MYO9A: variants seen among roughly 807,000 people sequenced by gnomAD.
MYO9A encodes unconventional myosin-IXa.
MYO9A carries 103 observed loss-of-function variants against 293.3 expected under a neutral mutation model. The ratio of observed to expected loss-of-function variants is 0.35; its 90% CI spans 0.30 to 0.41. The LOEUF is 0.41. Among genes scored for constraint, MYO9A ranks in the 10% least tolerant of loss-of-function variants. MYO9A has a pLI of 1.00. For missense variants in MYO9A, 2,685 were observed against 3,033.0 expected (o/e 0.89, Z 2.69); for synonymous variants, 1,001 against 1,035.7 (o/e 0.97, Z 0.64).
chr15:71,874,329 G>A (rs1567218848), intron 32 of MYO9A, among the ~76,000 whole-genome samples: 1 of 152,126 alleles, frequency 6.6e-6, no homozygotes, highest in Non-Finnish European at 1.5e-5. Context: ...GGTTTTGTAG[G>A]CCCTAAAGTT....
intron 1 of MYO9A, among the ~76,000 whole-genome samples, chr15:72,050,812 G>C (rs544283124): frequency 1.1e-4 from 16 of 152,114 alleles, no homozygotes; most frequent in Non-Finnish European, 2.1e-4. Context: ...CACATAGCAA[G>C]CTACTTGACA....
At chr15:72,051,951 G>A (rs188469259) in intron 1 of MYO9A, among the ~76,000 whole-genome samples, 105 of 152,306 alleles carry the variant, frequency 6.9e-4, no homozygotes, top group African/African-American at 2.4e-3. Flanking sequence ...ATTGGCACCC[G>A]ATGACCAGAG....
chr15:71,822,557 A>G lies in MYO9A; in HGVS notation c.*4023T>C, dbSNP rs917296626. 1.3e-5 allele frequency: 2 copies of G among 152,208 alleles called. No individual in the cohort carries two copies. Among genetic ancestry groups the G allele is most frequent in the African/African-American group, 4.8e-5 (2 of 41,456 alleles). The allele number at this position is 152,208 out of a possible 1,614,324, so 9.4% of individuals were successfully genotyped here. On this transcript the variant is annotated 3_prime_UTR_variant, in exon 42 of 42. Coordinates refer to ENST00000356056, the MANE Select transcript of MYO9A (RefSeq NM_006901.4). Reference sequence around the variant, plus strand: ...TTATTCTATTAAACAGTAAAATGTTATATTTCACAGGATATGTCCTTTTAT... The same window carrying G: ...TTATTCTATTAAACAGTAAAATGTTGTATTTCACAGGATATGTCCTTTTAT...
chr15:72,068,646 T>A (rs2079091308), intron 1 of MYO9A, among the ~76,000 whole-genome samples: 1 of 152,064 alleles, frequency 6.6e-6, no homozygotes, highest in African/African-American at 2.4e-5. Context: ...TTTTTATTTT[T>A]ATTTTTATTT....
intron 12 of MYO9A, among the ~76,000 whole-genome samples, chr15:71,974,990 C>T (rs2076100926): frequency 6.6e-6 from 1 of 152,172 alleles, no homozygotes; most frequent in African/African-American, 2.4e-5. Context: ...TACATTAACA[C>T]ATTTAAAGAA....
At chr15:71,832,462 A>G (rs1041425817) in intron 39 of MYO9A, among the ~76,000 whole-genome samples, 3 of 152,232 alleles carry the variant, frequency 2.0e-5, no homozygotes, top group Non-Finnish European at 4.4e-5. Context: ...AGCGTTACAA[A>G]AAGCAAATTC....
chr15:71,869,906 A>C (rs1185516227), intron 32 of MYO9A, among the ~76,000 whole-genome samples: 1 of 152,212 alleles, frequency 6.6e-6, no homozygotes, highest in Non-Finnish European at 1.5e-5. Context: ...TGTGGAAAAG[A>C]ATGCTAACTG....
chr15:71,974,006 G>T (rs1265307658), intron 12 of MYO9A, among the ~76,000 whole-genome samples: 1 of 152,140 alleles, frequency 6.6e-6, no homozygotes, highest in East Asian at 1.9e-4. Context: ...AGCCCTGGGG[G>T]GCTACAAATG....
Position 71,823,418 on chromosome 15 carries a change from G to C in MYO9A, c.*3162C>G, listed in dbSNP as rs2054348937. On this transcript the variant is annotated 3_prime_UTR_variant, in exon 42 of 42. Transcript: ENST00000356056. ...GCTCTGGCAGGTTTCCAAAGCATGAGAAGGTGGGGGCTCTAGTATTCCATC... is the reference window on the plus strand; with the variant it reads ...GCTCTGGCAGGTTTCCAAAGCATGACAAGGTGGGGGCTCTAGTATTCCATC... 6.6e-6 allele frequency: 1 copy of C among 152,244 alleles called. No individual in the cohort carries two copies. The highest frequency in any genetic ancestry group is 2.4e-5 in the African/African-American group (1 of 41,452). 9.4% of individuals were successfully genotyped at this position (152,244 alleles called of 1,614,324 possible).
intron 19 of MYO9A, among the ~76,000 whole-genome samples, chr15:71,910,114 G>A (rs528852134): frequency 1.5e-5 from 2 of 133,138 alleles, no homozygotes; most frequent in African/African-American, 6.1e-5. Flanking sequence ...ATATATATAC[G>A]TGTATATATA....
chr15:72,002,427 C>T (rs2076894703), intron 8 of MYO9A, among the ~76,000 whole-genome samples: 1 of 152,008 alleles, frequency 6.6e-6, no homozygotes, highest in South Asian at 2.1e-4. Context: ...GGGTCTTGAA[C>T]TCCTAAACTC....
intron 41 of MYO9A, 101 bp from the exon 42 acceptor site, chr15:71,827,144 G>A: frequency 1.1e-6 from 1 of 929,020 alleles, no homozygotes; most frequent in Non-Finnish European, 1.6e-6. Flanking sequence ...AATTGGGTGG[G>A]ATAAGATTCA....
At chr15:71,993,432 G>A (rs2076598974) in intron 10 of MYO9A, among the ~76,000 whole-genome samples, 1 of 151,992 alleles carries the variant, frequency 6.6e-6, no homozygotes, top group Admixed American at 6.6e-5. Flanking sequence ...ATAACACAAA[G>A]TTATTTTAAA....
At chr15:71,920,671 G>C (rs1336954122) in intron 18 of MYO9A, among the ~76,000 whole-genome samples, 1 of 152,094 alleles carries the variant, frequency 6.6e-6, no homozygotes, top group Non-Finnish European at 1.5e-5. Context: ...TTCAAGGTTG[G>C]GCACAGTGGC....
chr15:71,898,020 T>C lies in MYO9A; in HGVS notation c.4483A>G (p.Thr1495Ala), dbSNP rs769974077. The C allele has an allele frequency of 6.2e-7, 1 of 1,614,146 alleles. No individual in the cohort carries two copies. The highest frequency in any genetic ancestry group is 2.2e-5 in the East Asian group (1 of 44,874). The change falls in exon 25 of 42, where the codon ACT becomes GCT. Residue 1495 changes from threonine to alanine, a missense_variant. This residue lies in a region of MYO9A where 1,434 missense variants were observed against 1,497.7 expected (regional missense o/e 0.96). Transcript: ENST00000356056. ...TGTTTTTGCCTTTCTTCCTTCTCAG[T>C]GTTTAGCTTTTCTAACTTCTTAAGC... is the stretch of plus-strand genomic sequence containing the variant. ...PVLKKLEKLN[T>A]EKEERQKQLQ...
chr15:71,925,333 GTATATGTA>G (rs1567278614), intron 18 of MYO9A, among the ~76,000 whole-genome samples: 1 of 50,920 alleles, frequency 2.0e-5, no homozygotes, highest in Non-Finnish European at 5.8e-5. Context: ...ACATATATAC[GTATATGTA>G]CATATATACT....
At chr15:71,988,207 C>CTTGCAAA (rs2076451816) in intron 11 of MYO9A, among the ~76,000 whole-genome samples, 2 of 152,200 alleles carry the variant, frequency 1.3e-5, no homozygotes, top group South Asian at 4.1e-4. Context: ...CCTCACCCTT[C>CTTGCAAA]TAACACATGT....
intron 1 of MYO9A, among the ~76,000 whole-genome samples, chr15:72,061,637 C>T (rs1185527234): frequency 1.3e-5 from 2 of 151,870 alleles, no homozygotes; most frequent in Non-Finnish European, 2.9e-5. Context: ...AAAAAGGACT[C>T]TGTCCTACAA....
chr15:71,908,886 C>T lies in MYO9A; in HGVS notation c.2686-3880G>A, dbSNP rs2057752583. On this transcript the variant is annotated intron_variant, in intron 19 of 41. Transcript: ENST00000356056. ...TATCATACAGATTAATTTGACTAAC[C>T]TAAAGTCCTCTATGCTCTGCCTACT... 2.0e-5 allele frequency among the ~76,000 whole-genome samples: 3 copies of T among 152,164 alleles called. No individual in the cohort carries two copies. The South Asian group carries it at 6.2e-4, about 32-fold the overall frequency.
Sources: gnomAD v4.1 joint callset for allele counts (sites outside exome capture counted in the v4.1 genomes callset) on GRCh38, gnomAD v4.1.1 for gene constraint, gnomAD v4.1.1 regional missense constraint, MANE v1.5 for transcripts, NCBI Gene and HGNC (gene_info 2026-07-23, HGNC 2026-07-21) for gene names.